The following MMP26 variants were observed in gnomAD, a reference collection of about 807,000 sequenced individuals.
The protein encoded by MMP26 is matrix metalloproteinase-26.
A neutral mutation model predicts 31.0 loss-of-function variants in MMP26; 33 were observed. That is an observed-to-expected ratio of 1.06 (90% CI 0.81 to 1.42). The LOEUF is 1.42. MMP26 is among the 40% of genes most tolerant of loss of function. The pLI, the probability that MMP26 is intolerant of heterozygous loss-of-function variation, is 0.00. For missense variants in MMP26, 347 were observed against 316.1 expected (o/e 1.10, Z -0.74); for synonymous variants, 122 against 114.9 (o/e 1.06, Z -0.40).
intron 1 of MMP26, among the ~76,000 whole-genome samples, chr11:4,717,946 A>G (rs1174209967): frequency 1.3e-5 from 2 of 152,228 alleles, no homozygotes. Flanking sequence ...TGGAGGCCCC[A>G]TATATTCTAA....
At chr11:4,900,052 T>A (rs1323633984) in intron 2 of MMP26, among the ~76,000 whole-genome samples, 1 of 152,178 alleles carries the variant, frequency 6.6e-6, no homozygotes, top group Non-Finnish European at 1.5e-5. Context: ...TGGGGTATGT[T>A]GTCTCATCCT....
intron 2 of MMP26, among the ~76,000 whole-genome samples, chr11:4,932,649 C>A (rs1404462362): frequency 1.3e-5 from 2 of 152,108 alleles, no homozygotes; most frequent in African/African-American, 4.8e-5. Flanking sequence ...GAGCTCTGCA[C>A]AAATTACACA....
intron 2 of MMP26, among the ~76,000 whole-genome samples, chr11:4,778,450 T>C (rs199687892): frequency 6.6e-6 from 1 of 152,068 alleles, no homozygotes; most frequent in Non-Finnish European, 1.5e-5. Flanking sequence ...TGCCTATATG[T>C]GGGTTTCTTT....
rs1378115138 is a variant in MMP26 at position 4,928,050 on chromosome 11, G to A, written c.-144-60018G>A. On this transcript the variant is annotated intron_variant, in intron 2 of 7. Coordinates refer to ENST00000380390, the MANE Select transcript of MMP26 (RefSeq NM_021801.5). ...ACCAGTATTGTGGCGTGTGGGGAGA[G>A]GGTCGAGGGGGGAGAGAGAGAGAGA... Among the ~76,000 whole-genome samples the A allele has an allele frequency of 6.6e-4, 78 of 118,620 alleles. 1 individual carries two copies. Among genetic ancestry groups the A allele is most frequent in the Admixed American group, 6.4e-3 (76 of 11,786 alleles). The allele number at this position is 118,620 out of a possible 152,430, so 77.8% of individuals were successfully genotyped here.
At chr11:4,945,682 C>T (rs1046652966) in intron 2 of MMP26, 5 of 191,236 alleles carry the variant, frequency 2.6e-5, no homozygotes, top group African/African-American at 9.6e-5. Flanking sequence ...GCTCACTACC[C>T]GGGTCCCATA....
At chr11:4,775,056 T>C (rs1848773619) in intron 2 of MMP26, among the ~76,000 whole-genome samples, 1 of 152,194 alleles carries the variant, frequency 6.6e-6, no homozygotes, top group Non-Finnish European at 1.5e-5. Flanking sequence ...TGAAGTCCTA[T>C]AGTGTGATAC....
At chr11:4,917,427 G>C (rs753060274) in intron 2 of MMP26, among the ~76,000 whole-genome samples, 4 of 152,144 alleles carry the variant, frequency 2.6e-5, no homozygotes, top group African/African-American at 4.8e-5. Flanking sequence ...GTGTCAAGTG[G>C]CAGAGCTAGC....
intron 2 of MMP26, among the ~76,000 whole-genome samples, chr11:4,918,635 G>C (rs1300843542): frequency 6.6e-6 from 1 of 152,108 alleles, no homozygotes; most frequent in Non-Finnish European, 1.5e-5. Context: ...TTTTGGTAAG[G>C]ACTTCATTGT....
chr11:4,804,593 T>C (rs1326260928), intron 2 of MMP26: 6 of 746,280 alleles, frequency 8.0e-6, no homozygotes, highest in African/African-American at 1.7e-5. Flanking sequence ...TTCGTACTTA[T>C]GTCATTCAAA....
chr11:4,723,663 G>C (rs1168595106), intron 1 of MMP26: 1 of 875,032 alleles, frequency 1.1e-6, no homozygotes, highest in Non-Finnish European at 2.0e-6. Context: ...TGTTCTTGCA[G>C]TTCTCCATCA....
intron 2 of MMP26, among the ~76,000 whole-genome samples, chr11:4,828,112 A>T (rs1053599986): frequency 1.3e-5 from 2 of 152,160 alleles, no homozygotes; most frequent in African/African-American, 2.4e-5. Context: ...GTTAAAATAT[A>T]CATTTTTCTG....
intron 2 of MMP26, among the ~76,000 whole-genome samples, chr11:4,972,206 A>G (rs1430754712): frequency 1.3e-5 from 2 of 152,192 alleles, no homozygotes; most frequent in Admixed American, 1.3e-4. Flanking sequence ...AAACTGACCT[A>G]GCATGACTCT....
chr11:4,932,130 C>T (rs1851358279), intron 2 of MMP26, among the ~76,000 whole-genome samples: 1 of 152,140 alleles, frequency 6.6e-6, no homozygotes. Flanking sequence ...TGGTCTCCAT[C>T]AGTGCTCAGC....
Position 4,720,878 on chromosome 11 carries a change from C to T in MMP26, c.-217+15833C>T, listed in dbSNP as rs571096793. On this transcript the variant is annotated intron_variant, in intron 1 of 7. Coordinates refer to ENST00000380390, the MANE Select transcript of MMP26 (RefSeq NM_021801.5). ...GAGACTTAGGTCCCTGAATACAGCC[C>T]ACTGATGGTTGATTCTATTTCTTCT... Among the ~76,000 whole-genome samples, 187 of 152,274 alleles carry T rather than the reference C, an allele frequency of 1.2e-3. 1 individual carries two copies. The highest frequency in any genetic ancestry group is 4.1e-3 in the African/African-American group (172 of 41,552).
At chr11:4,912,267 A>AATAATTT (rs1564805583) in intron 2 of MMP26, among the ~76,000 whole-genome samples, 3 of 151,262 alleles carry the variant, frequency 2.0e-5, no homozygotes, top group Non-Finnish European at 3.0e-5. Context: ...CAGATAAATA[A>AATAATTT]AATAATTTGT....
chr11:4,817,774 C>T (rs1849441440), intron 2 of MMP26, among the ~76,000 whole-genome samples: 1 of 152,176 alleles, frequency 6.6e-6, no homozygotes, highest in Non-Finnish European at 1.5e-5. Context: ...CTAGTCATTA[C>T]ACCTTGGGTC....
chr11:4,788,730 A>C (rs890267387), intron 2 of MMP26, among the ~76,000 whole-genome samples: 1 of 152,182 alleles, frequency 6.6e-6, no homozygotes, highest in Non-Finnish European at 1.5e-5. Context: ...TAGGAAGATG[A>C]GAGTTGGGCT....
At chr11:4,831,445 A>G (rs1324199224) in intron 2 of MMP26, among the ~76,000 whole-genome samples, 1 of 152,194 alleles carries the variant, frequency 6.6e-6, no homozygotes, top group African/African-American at 2.4e-5. Flanking sequence ...AATATCCAAA[A>G]AGTGAATCAT....
At chr11:4,956,843 C>A (rs1227010851) in intron 2 of MMP26, among the ~76,000 whole-genome samples, 1 of 152,138 alleles carries the variant, frequency 6.6e-6, no homozygotes, top group African/African-American at 2.4e-5. Flanking sequence ...ATCTGAGATT[C>A]TTTGTCTTAC....
Sources: gnomAD v4.1 joint callset for allele counts (sites outside exome capture counted in the v4.1 genomes callset) on GRCh38, gnomAD v4.1.1 for gene constraint, MANE v1.5 for transcripts, NCBI Gene and HGNC (gene_info 2026-07-23, HGNC 2026-07-21) for gene names.